Variants in PKP4 observed in about 807,000 individuals in gnomAD.
The protein encoded by PKP4 is plakophilin 4, also known as plakophilin-4.
PKP4 carries 90 observed loss-of-function variants against 145.1 expected under a neutral mutation model. The ratio of observed to expected loss-of-function variants is 0.62; its 90% CI spans 0.52 to 0.74. The LOEUF (loss-of-function observed/expected upper bound fraction) is 0.74, where lower values mean the gene tolerates loss of function less well. PKP4 is among the 30% of genes least tolerant of loss of function. The pLI is 0.00. For missense variants in PKP4, 1,340 were observed against 1,482.7 expected (o/e 0.90, Z 1.58); for synonymous variants, 563 against 577.2 (o/e 0.98, Z 0.35).
At chr2:158,577,476 T>C (rs746066683) in intron 3 of PKP4, 93 bp downstream of exon 3, 11 of 755,368 alleles carry the variant, frequency 1.5e-5, no homozygotes, top group African/African-American at 3.6e-5. Context: ...TTAGTGTTGT[T>C]ACTGTTAACT....
rs774097576 is a variant in PKP4 at position 158,631,771 on chromosome 2, CTAGTCAGCA to C, written c.1181_1189del (p.His394_Gln396del). ...CCTCTAGGCTTACGGAGTTCCTATG[CTAGTCAGCA>C]TAGTCAGCTTGGGCAAGACCTTCGT... is the stretch of plus-strand genomic sequence containing the variant. On this transcript the variant is annotated inframe_deletion, in exon 8 of 22. Transcript: ENST00000389759. 2.4e-5 allele frequency: 39 copies of C among 1,613,884 alleles called. No individual in the cohort carries two copies. Among genetic ancestry groups the C allele is most frequent in the Non-Finnish European group, 3.1e-5 (37 of 1,179,902 alleles).
chr2:158,532,998 C>A (rs1347949546), intron 1 of PKP4, among the ~76,000 whole-genome samples, 182 bp from the exon 2 acceptor site: 1 of 152,068 alleles, frequency 6.6e-6, no homozygotes, highest in Non-Finnish European at 1.5e-5. Context: ...TATTTAGTTT[C>A]TTGATAAGTT....
chr2:158,495,308 T>C (rs1195642206), intron 1 of PKP4, among the ~76,000 whole-genome samples: 1 of 150,886 alleles, frequency 6.6e-6, no homozygotes, highest in African/African-American at 2.4e-5. Flanking sequence ...TGGATGAGCG[T>C]TGGCAAGTTG....
intron 2 of PKP4, among the ~76,000 whole-genome samples, chr2:158,543,280 G>T (rs1025138279): frequency 1.3e-5 from 2 of 152,116 alleles, no homozygotes; most frequent in East Asian, 3.9e-4. Flanking sequence ...ATGCTCAACA[G>T]GTATATATTT....
intron 7 of PKP4, among the ~76,000 whole-genome samples, chr2:158,629,013 T>G (rs1040444630): frequency 3.3e-5 from 5 of 152,220 alleles, no homozygotes; most frequent in African/African-American, 1.2e-4. Flanking sequence ...CTGCTTTATG[T>G]CACTGTTAAC....
At chr2:158,544,347 T>C (rs962147461) in intron 2 of PKP4, among the ~76,000 whole-genome samples, 2 of 152,182 alleles carry the variant, frequency 1.3e-5, no homozygotes, top group Non-Finnish European at 1.5e-5. Flanking sequence ...TATAAAGCAT[T>C]GTTATGGATA....
chr2:158,622,753 C>A (rs2052375265), intron 6 of PKP4, among the ~76,000 whole-genome samples: 1 of 152,180 alleles, frequency 6.6e-6, no homozygotes, highest in African/African-American at 2.4e-5. Context: ...CAACTTCAGG[C>A]TGCACCCCAA....
rs772876980 is a variant in PKP4, at chr2:158,680,792, T to G, written c.*115T>G. 2 of 972,654 alleles carry G rather than the reference T, an allele frequency of 2.1e-6. No individual in the cohort carries two copies. Among genetic ancestry groups the G allele is most frequent in the Non-Finnish European group, 3.1e-6 (2 of 651,076 alleles). 60.3% of individuals were successfully genotyped at this position (972,654 alleles called of 1,614,324 possible). A position where few individuals can be genotyped will look rare whatever the true frequency, so the allele number is the denominator to read the frequency against. ...GTGAAAGTGAAGTGGAAGGAATGAA[T>G]GAAGTGTGTTTTTTTTTTCTTTTTT... On this transcript the variant is annotated 3_prime_UTR_variant, in exon 22 of 22. Transcript: ENST00000389759.
chr2:158,577,672 G>A (rs531662954), intron 3 of PKP4, among the ~76,000 whole-genome samples: 6 of 152,252 alleles, frequency 3.9e-5, no homozygotes, highest in African/African-American at 1.4e-4. Flanking sequence ...GTGATTAATT[G>A]CTAATTATTT....
chr2:158,566,265 CTTG>C (rs2046978691), intron 2 of PKP4, among the ~76,000 whole-genome samples: 1 of 151,972 alleles, frequency 6.6e-6, no homozygotes, highest in South Asian at 2.1e-4. Context: ...TTTATTTAGC[CTTG>C]TTGTTTCTCT....
rs531680987 is a variant in PKP4 at position 158,557,224 on chromosome 2, A to G, written c.133-20047A>G. ...TGCATAGAAAGCCTTAGTATATACT[A>G]TGTGGCTCATTGTATGCACTTAATG... On this transcript the variant is annotated intron_variant, in intron 2 of 21. Transcript: ENST00000389759. Among the ~76,000 whole-genome samples the G allele has an allele frequency of 4.6e-5, 7 of 152,286 alleles. No individual in the cohort carries two copies. In the South Asian group the frequency reaches 8.3e-4, roughly 18 times the overall value.
intron 1 of PKP4, among the ~76,000 whole-genome samples, chr2:158,506,249 A>C (rs1299084401): frequency 1.3e-5 from 2 of 152,158 alleles, no homozygotes; most frequent in Non-Finnish European, 2.9e-5. Context: ...GCCTTCCTCC[A>C]AGCTTTAGGA....
Position 158,680,533 on chromosome 2 carries a change from T to C in PKP4, c.3435T>C (p.Asp1145=), listed in dbSNP as rs761549120. ...ATAGCTATGAAGATCCTTATTTTGA[T>C]GACCGAGTTCACTTTCCAGCTTCTA... The part of the protein sequence containing the change: ...SPHSYEDPYF[D]DRVHFPASTD... The change falls in exon 22 of 22, where the codon GAT becomes GAC. Residue 1145 remains aspartate, a synonymous_variant. Transcript: ENST00000389759. 2 of 1,614,066 alleles carry C rather than the reference T, an allele frequency of 1.2e-6. No homozygotes were observed. Among genetic ancestry groups the C allele is most frequent in the Non-Finnish European group, 1.7e-6 (2 of 1,180,008 alleles).
chr2:158,475,795 C>G (rs1280368760), intron 1 of PKP4, among the ~76,000 whole-genome samples: 2 of 152,178 alleles, frequency 1.3e-5, no homozygotes, highest in Non-Finnish European at 2.9e-5. Flanking sequence ...CCTGCCCTAT[C>G]TCCCATATCC....
intron 4 of PKP4, among the ~76,000 whole-genome samples, chr2:158,615,226 G>A (rs907921120): frequency 1.3e-5 from 2 of 151,838 alleles, no homozygotes; most frequent in African/African-American, 4.8e-5. Context: ...AATAAAAAGT[G>A]TCTTTGAAAA....
intron 1 of PKP4, among the ~76,000 whole-genome samples, chr2:158,477,685 A>T (rs1692700325): frequency 6.6e-6 from 1 of 152,178 alleles, no homozygotes; most frequent in Non-Finnish European, 1.5e-5. Context: ...ATCCTGGTTT[A>T]AAAAATGGTT....
chr2:158,613,397 A>C (rs1007365119), intron 4 of PKP4, among the ~76,000 whole-genome samples: 1 of 152,210 alleles, frequency 6.6e-6, no homozygotes, highest in Non-Finnish European at 1.5e-5. Flanking sequence ...AAAAATCACT[A>C]GTTTGCAAGC....
intron 1 of PKP4, among the ~76,000 whole-genome samples, chr2:158,514,605 C>A (rs1186011128): frequency 1.3e-5 from 2 of 152,134 alleles, no homozygotes. Flanking sequence ...CTTTTAAAAT[C>A]AAGAGGTTTT....
intron 1 of PKP4, among the ~76,000 whole-genome samples, chr2:158,465,323 A>G (rs1690442169): frequency 6.6e-6 from 1 of 152,232 alleles, no homozygotes; most frequent in Non-Finnish European, 1.5e-5. Context: ...CACTCTCATT[A>G]GCTTTCTTTG....
Sources: allele counts gnomAD v4.1 joint callset (sites outside exome capture counted in the v4.1 genomes callset), GRCh38; gene constraint gnomAD v4.1.1; transcripts MANE v1.5; gene names NCBI Gene and HGNC (gene_info 2026-07-23, HGNC 2026-07-21).